Variants in LCOR observed in about 807,000 individuals in gnomAD.
The protein encoded by LCOR is ligand dependent nuclear receptor corepressor, also known as ligand-dependent corepressor.
Under a neutral mutation model 64.4 loss-of-function variants are expected in LCOR, and 14 were observed. The observed-to-expected ratio is 0.22, with a 90% CI of 0.14 to 0.34. The LOEUF (loss-of-function observed/expected upper bound fraction) is 0.34. LCOR is among the 10% of genes least tolerant of loss of function. LCOR has a pLI of 1.00. For missense variants in LCOR, 1,686 were observed against 1,765.3 expected, an observed-to-expected ratio of 0.96 and a Z score of 0.80; for synonymous variants, 643 against 642.5, an observed-to-expected ratio of 1.00 and a Z score of -0.01.
At chr10:96,958,919 A>AC (rs1564639041) in intron 7 of LCOR, 1 of 152,054 alleles carries the variant, frequency 6.6e-6, no homozygotes, top group African/African-American at 2.4e-5. Context: ...AAAAAAAAAA[A>AC]AAAAAAAACA....
In LCOR at chr10:96,989,025, C is replaced by A. The variant is rs140859185; in HGVS notation, c.*3891C>A. 3.0e-4 allele frequency: 45 copies of A among 152,286 alleles called. No individual in the cohort carries two copies. Among genetic ancestry groups the A allele is most frequent in the African/African-American group, 1.0e-3 (43 of 41,550 alleles). The allele number at this position is 152,286 out of a possible 1,614,324, so 9.4% of individuals were successfully genotyped here. A position where few individuals can be genotyped will look rare whatever the true frequency, so the allele number is the denominator to read the frequency against. ...GTCATCCTTTTCAGGAACAAATATT[C>A]TTGATTTTCCTTCTCTCTTCTGCCC... On this transcript the variant is annotated 3_prime_UTR_variant, in exon 8 of 8. Transcript: ENST00000421806.
intron 2 of LCOR, among the ~76,000 whole-genome samples, chr10:96,880,920 G>T (rs1846251948): frequency 6.6e-6 from 1 of 152,206 alleles, no homozygotes; most frequent in Non-Finnish European, 1.5e-5. Context: ...AGTCTTTCAA[G>T]AATCAAATAT....
At chr10:96,954,943 A>G in intron 7 of LCOR, 1 of 1,610,752 alleles carries the variant, frequency 6.2e-7, no homozygotes, top group Non-Finnish European at 8.5e-7. Context: ...GTTTCCTTCC[A>G]TCCAATTAGG....
chr10:96,836,581 G>A (rs1405750334), intron 2 of LCOR, among the ~76,000 whole-genome samples: 2 of 152,140 alleles, frequency 1.3e-5, no homozygotes, highest in Non-Finnish European at 2.9e-5. Context: ...TAATGTAATC[G>A]ATCAGTTATT....
At chr10:96,862,682 G>A (rs1845906803) in intron 2 of LCOR, among the ~76,000 whole-genome samples, 1 of 152,068 alleles carries the variant, frequency 6.6e-6, no homozygotes. Context: ...ATCCTGTCTT[G>A]GTCTTCCTGG....
intron 2 of LCOR, among the ~76,000 whole-genome samples, chr10:96,903,944 T>C (rs1234602083): frequency 6.6e-6 from 1 of 152,160 alleles, no homozygotes; most frequent in African/African-American, 2.4e-5. Flanking sequence ...AATGAGAACA[T>C]AGTGTTTAGA....
At position 96,986,262 on chromosome 10, in the gene LCOR, G is replaced by T; in HGVS notation, c.*1128G>T. ...TTAGCAAAGGACAGATGGTTTAAAAGTAGCCCAGTGTCTCTGTGAGCATCC... is the reference window on the plus strand; with the variant it reads ...TTAGCAAAGGACAGATGGTTTAAAATTAGCCCAGTGTCTCTGTGAGCATCC... On this transcript the variant is annotated 3_prime_UTR_variant, in exon 8 of 8. Coordinates refer to ENST00000421806, the MANE Select transcript of LCOR (RefSeq NM_001346516.2). 2 of 165,490 alleles carry T rather than the reference G, an allele frequency of 1.2e-5. No individual in the cohort carries two copies. 10.3% of individuals were successfully genotyped at this position (165,490 alleles called of 1,614,324 possible).
intron 2 of LCOR, among the ~76,000 whole-genome samples, chr10:96,891,611 C>T (rs1385226718): frequency 8.5e-6 from 1 of 118,164 alleles, no homozygotes; most frequent in African/African-American, 3.2e-5. Flanking sequence ...GGTGTCATTT[C>T]TGTTCACTGC....
chr10:96,909,321 G>T (rs190036522), intron 4 of LCOR, among the ~76,000 whole-genome samples: 1 of 152,192 alleles, frequency 6.6e-6, no homozygotes, highest in East Asian at 1.9e-4. Context: ...TATCCCACTT[G>T]TCTTCTATAC....
chr10:96,934,414 C>T (rs1427226787), intron 4 of LCOR, among the ~76,000 whole-genome samples: 2 of 152,056 alleles, frequency 1.3e-5, no homozygotes, highest in Non-Finnish European at 2.9e-5. Flanking sequence ...CTGCTTTCTA[C>T]CCTAGAGCTA....
At chr10:96,875,523 T>C (rs185548951) in intron 2 of LCOR, among the ~76,000 whole-genome samples, 1 of 152,126 alleles carries the variant, frequency 6.6e-6, no homozygotes, top group Admixed American at 6.6e-5. Flanking sequence ...GAAATAGGAT[T>C]TTTGATTGTT....
At chr10:96,910,151 A>G (rs562177090) in intron 4 of LCOR, among the ~76,000 whole-genome samples, 66 of 152,272 alleles carry the variant, frequency 4.3e-4, no homozygotes, top group African/African-American at 1.4e-3. Flanking sequence ...TGCTTCTTCA[A>G]CCTTCCAAGT....
At chr10:96,944,838 CTTGT>C (rs1847559428) in intron 5 of LCOR, among the ~76,000 whole-genome samples, 1 of 151,992 alleles carries the variant, frequency 6.6e-6, no homozygotes, top group Admixed American at 6.5e-5. Context: ...CTTTTGTAGG[CTTGT>C]TTTACATTTC....
chr10:96,931,993 G>A (rs114101360), intron 4 of LCOR, among the ~76,000 whole-genome samples: 8,267 of 152,168 alleles, frequency 0.054, 759 homozygotes, highest in African/African-American at 0.19. Context: ...GTATGTCTTT[G>A]GGGAGCTTTT....
intron 2 of LCOR, among the ~76,000 whole-genome samples, chr10:96,887,741 C>T (rs1443762638): frequency 2.7e-5 from 4 of 150,612 alleles, no homozygotes; most frequent in Non-Finnish European, 5.9e-5. Context: ...AGTGCAATGG[C>T]GCCATCTCAG....
In LCOR at chr10:96,993,820, A is replaced by G. The variant is rs922497352; in HGVS notation, c.*8686A>G. On this transcript the variant is annotated 3_prime_UTR_variant, in exon 8 of 8. Transcript: ENST00000421806. ...GTCAGTGGTCAGTACTCAGATCTGC[A>G]GAGCAGATTTCCAGATGTTCTTTCT... The G allele has an allele frequency of 2.0e-5, 3 of 151,346 alleles. No individual in the cohort carries two copies. Among genetic ancestry groups the G allele is most frequent in the African/African-American group, 7.3e-5 (3 of 41,276 alleles). The allele number at this position is 151,346 out of a possible 1,614,324, so 9.4% of individuals were successfully genotyped here. A position where few individuals can be genotyped will look rare whatever the true frequency, so the allele number is the denominator to read the frequency against.
Position 96,981,462 on chromosome 10 carries a change from T to C in LCOR, c.1002T>C (p.Asn334=), listed in dbSNP as rs747183609. Residue 334 remains asparagine, a synonymous_variant, in exon 8 of 8, where the codon AAT becomes AAC. Transcript: ENST00000421806. ...CAGCTGAGAATAGTGAGGAAGGCAATACCTGTATTATTCCTCAAAGAAATT... is the reference window on the plus strand; with the variant it reads ...CAGCTGAGAATAGTGAGGAAGGCAACACCTGTATTATTCCTCAAAGAAATT... ...KMAAENSEEG[N]TCIIPQRNLF... 3.1e-6 allele frequency: 5 copies of C among 1,614,124 alleles called. No individual in the cohort carries two copies. Among genetic ancestry groups the C allele is most frequent in the Non-Finnish European group, 4.2e-6 (5 of 1,179,992 alleles).
intron 2 of LCOR, among the ~76,000 whole-genome samples, chr10:96,856,393 T>C (rs1323569128): frequency 6.6e-6 from 1 of 151,712 alleles, no homozygotes; most frequent in Admixed American, 6.6e-5. Context: ...TTCCCTCCCT[T>C]CTTTTCTTTC....
intron 4 of LCOR, among the ~76,000 whole-genome samples, chr10:96,928,117 T>C (rs566148777): frequency 2.2e-4 from 33 of 152,272 alleles, no homozygotes; most frequent in Admixed American, 1.0e-3. Flanking sequence ...GGGGTGGCTG[T>C]GGCAATTTCT....
Sources: allele counts gnomAD v4.1 joint callset (sites outside exome capture counted in the v4.1 genomes callset), GRCh38; gene constraint gnomAD v4.1.1; transcripts MANE v1.5; gene names NCBI Gene and HGNC (gene_info 2026-07-23, HGNC 2026-07-21).